Variants in CDCP1 observed in about 807,000 individuals in gnomAD.
CDCP1 encodes CUB domain-containing protein 1.
In CDCP1, 29 loss-of-function variants were observed where a neutral mutation model predicts 60.2. The ratio of observed to expected loss-of-function variants is 0.48; its 90% confidence interval spans 0.36 to 0.66. CDCP1 has a LOEUF of 0.66. Among genes scored for constraint, CDCP1 ranks in the 30% least tolerant of loss-of-function variants. CDCP1 has a pLI of 0.00. For missense variants in CDCP1, 876 were observed against 1,074.3 expected (o/e 0.82, Z 2.58); for synonymous variants, 387 against 431.1 (o/e 0.90, Z 1.27).
At chr3:45,135,112 G>A (rs906697783) in intron 1 of CDCP1, among the ~76,000 whole-genome samples, 4 of 152,142 alleles carry the variant, frequency 2.6e-5, no homozygotes, top group Non-Finnish European at 5.9e-5. Context: ...CAGTCATTAC[G>A]GAAGGCGTTA....
chr3:45,145,661 G>T (rs769288331), intron 1 of CDCP1, among the ~76,000 whole-genome samples: 2 of 152,218 alleles, frequency 1.3e-5, no homozygotes, highest in Non-Finnish European at 2.9e-5. Flanking sequence ...AGGAGAGGGG[G>T]AATGCAGCGT....
intron 8 of CDCP1, among the ~76,000 whole-genome samples, chr3:45,087,971 G>A (rs1003769519): frequency 1.3e-5 from 2 of 151,630 alleles, no homozygotes; most frequent in Admixed American, 6.6e-5. Flanking sequence ...GCGGTGAGCC[G>A]AGATCGCGCC....
At chr3:45,101,102 T>C (rs1429339925) in intron 4 of CDCP1, among the ~76,000 whole-genome samples, 1 of 152,186 alleles carries the variant, frequency 6.6e-6, no homozygotes, top group Non-Finnish European at 1.5e-5. Flanking sequence ...GCGACAGAGT[T>C]TGAAAATGTG....
At chr3:45,121,323 T>C (rs1214086366) in intron 1 of CDCP1, among the ~76,000 whole-genome samples, 3 of 152,214 alleles carry the variant, frequency 2.0e-5, no homozygotes, top group Non-Finnish European at 2.9e-5. Context: ...AGATGTCAGA[T>C]TAAAAATGAA....
At chr3:45,102,277 G>A (rs533640457) in intron 4 of CDCP1, among the ~76,000 whole-genome samples, 1 of 152,080 alleles carries the variant, frequency 6.6e-6, no homozygotes, top group Non-Finnish European at 1.5e-5. Context: ...CACCATGTTG[G>A]CCAGGTTGGC....
chr3:45,094,720 G>A (rs1049093004), intron 5 of CDCP1, among the ~76,000 whole-genome samples: 1 of 151,884 alleles, frequency 6.6e-6, no homozygotes, highest in African/African-American at 2.4e-5. Context: ...TGGGGTGTGG[G>A]GGGATGGGGA....
At chr3:45,137,844 G>GACTT (rs1245339479) in intron 1 of CDCP1, among the ~76,000 whole-genome samples, 2 of 151,702 alleles carry the variant, frequency 1.3e-5, no homozygotes, top group Non-Finnish European at 2.9e-5. Context: ...TGAAGATAAG[G>GACTT]ACTTAGCTCT....
intron 2 of CDCP1, among the ~76,000 whole-genome samples, chr3:45,112,680 GCCTGA>G (rs1698720458): frequency 6.6e-6 from 1 of 152,234 alleles, no homozygotes; most frequent in Admixed American, 6.5e-5. Context: ...AACCAGAAAA[GCCTGA>G]GAGGTGTTGC....
intron 4 of CDCP1, among the ~76,000 whole-genome samples, chr3:45,098,275 T>C (rs1364082074): frequency 1.3e-5 from 2 of 152,136 alleles, no homozygotes; most frequent in Admixed American, 1.3e-4. Flanking sequence ...CATAGCTCAC[T>C]GCAGCCTCAA....
At chr3:45,109,603 T>C (rs1698653736) in intron 4 of CDCP1, among the ~76,000 whole-genome samples, 1 of 151,976 alleles carries the variant, frequency 6.6e-6, no homozygotes, top group Admixed American at 6.6e-5. Context: ...TAATTTTGTA[T>C]CTTTTATCTC....
At position 45,084,349 on chromosome 3, in the gene CDCP1, C is replaced by G. The variant is rs566829919; in HGVS notation, c.*1289G>C. On this transcript the variant is annotated 3_prime_UTR_variant, in exon 9 of 9. Transcript: ENST00000296129. ...TGTGGTAGGCAGAATAACAGCACCC[C>G]AAAGATGTTCTGGTCCTAATCCCCA... 6.6e-6 allele frequency: 1 copy of G among 152,212 alleles called. No homozygotes were observed. The highest frequency in any genetic ancestry group is 1.5e-5 in the Non-Finnish European group (1 of 68,066). The allele number at this position is 152,212 out of a possible 1,614,324, so 9.4% of individuals were successfully genotyped here.
chr3:45,112,383 G>A lies in CDCP1; in HGVS notation c.355C>T (p.Pro119Ser). The change falls in exon 3 of 9, where the codon CCT (proline) becomes TCT (serine). Residue 119 changes from proline to serine, a missense_variant. This residue lies in a region of CDCP1 where 726 missense variants were observed against 935.7 expected (regional missense o/e 0.78). Coordinates refer to ENST00000296129, the MANE Select transcript of CDCP1 (RefSeq NM_022842.5). ...CAGATGAAAGTTCTGTTGAGGGTAG[G>A]CAACAACGATGTCGAGGGCTGAAGC... ...VQLQPSTSLLPTLNRTFIWDV... is the reference protein window; with the variant it reads ...VQLQPSTSLLSTLNRTFIWDV... 6.2e-7 allele frequency: 1 copy of A among 1,614,222 alleles called. No homozygotes were observed. The highest frequency in any genetic ancestry group is 8.5e-7 in the Non-Finnish European group (1 of 1,180,034).
chr3:45,126,167 T>C (rs1192477936), intron 1 of CDCP1, among the ~76,000 whole-genome samples: 5 of 143,498 alleles, frequency 3.5e-5, no homozygotes, highest in African/African-American at 1.3e-4. Context: ...TCTTTCTTTC[T>C]TTCTTTCCTT....
rs1698173605 is a variant in CDCP1, at chr3:45,085,586, G to A, written c.*52C>T. On this transcript the variant is annotated 3_prime_UTR_variant, in exon 9 of 9. Coordinates refer to ENST00000296129, the MANE Select transcript of CDCP1 (RefSeq NM_022842.5). This position sits in a 1 kb window ranked among gnomAD's most constrained non-coding sequence, Gnocchi z 4.2. The stretch of plus-strand genomic sequence containing the variant: ...TTTCTGGTTAGGAACACGGACGGGT[G>A]TCTCAGTGCCCTGCTTTATGAAACT... 1 of 1,525,990 alleles carries A rather than the reference G, an allele frequency of 6.6e-7. No individual in the cohort carries two copies. Among genetic ancestry groups the A allele is most frequent in the Non-Finnish European group, 8.9e-7 (1 of 1,124,480 alleles). 94.5% of individuals were successfully genotyped at this position (1,525,990 alleles called of 1,614,324 possible). A position where few individuals can be genotyped will look rare whatever the true frequency, so the allele number is the denominator to read the frequency against.
At chr3:45,138,129 T>C (rs1370399720) in intron 1 of CDCP1, among the ~76,000 whole-genome samples, 1 of 152,212 alleles carries the variant, frequency 6.6e-6, no homozygotes, top group East Asian at 1.9e-4. Flanking sequence ...ATTAAGTTGT[T>C]ATAAAACTGG....
chr3:45,138,806 A>T (rs1699234285), intron 1 of CDCP1, among the ~76,000 whole-genome samples: 1 of 152,212 alleles, frequency 6.6e-6, no homozygotes, highest in South Asian at 2.1e-4. Context: ...AGATTGTGCC[A>T]TTGTACTCTA....
In CDCP1 at chr3:45,091,845, GGCACGATCTCGGCTCACT is replaced by G. The variant is rs1698301114; in HGVS notation, c.1628-325_1628-308del. Among the ~76,000 whole-genome samples the G allele has an allele frequency of 6.6e-6, 1 of 152,224 alleles. No individual in the cohort carries two copies. The highest frequency in any genetic ancestry group is 1.5e-5 in the Non-Finnish European group (1 of 68,030). ...TCTGTTGCCCAGGCTAGAGTGCAGT[GGCACGATCTCGGCTCACT>G]GCAAACTGCAACCTCCACCTCTCAG... On this transcript the variant is annotated intron_variant, in intron 6 of 8. Transcript: ENST00000296129. This position sits in a 1 kb window ranked among gnomAD's most constrained non-coding sequence, Gnocchi z 4.8.
chr3:45,131,441 T>C (rs538738090), intron 1 of CDCP1, among the ~76,000 whole-genome samples: 1 of 152,298 alleles, frequency 6.6e-6, no homozygotes, highest in East Asian at 1.9e-4. Flanking sequence ...CCTGTATCCA[T>C]TAAATTATAA....
At chr3:45,134,250 G>A (rs1489613528) in intron 1 of CDCP1, among the ~76,000 whole-genome samples, 2 of 151,806 alleles carry the variant, frequency 1.3e-5, no homozygotes, top group Non-Finnish European at 2.9e-5. Flanking sequence ...TCAGCCTCCT[G>A]AGTAGCTGAG....
Sources: allele counts gnomAD v4.1 joint callset (sites outside exome capture counted in the v4.1 genomes callset), GRCh38; gene constraint gnomAD v4.1.1; regional missense constraint gnomAD v4.1.1; non-coding constraint Gnocchi (gnomAD v3.1); transcripts MANE v1.5; gene names NCBI Gene and HGNC (gene_info 2026-07-23, HGNC 2026-07-21).